Variants in COG5 observed in about 807,000 individuals in gnomAD.
The protein encoded by COG5 is conserved oligomeric Golgi complex subunit 5.
A neutral mutation model predicts 110.4 loss-of-function variants in COG5; 86 were observed. That is an observed-to-expected ratio of 0.78 (90% CI 0.65 to 0.93). COG5 has a LOEUF of 0.93. COG5 is among the 40% of genes least tolerant of loss of function. The pLI, the probability that COG5 is intolerant of heterozygous loss-of-function variation, is 0.00. For synonymous variants in COG5, 360 were observed against 334.6 expected, an observed-to-expected ratio of 1.08 and a Z score of -0.83; for missense variants, 1,077 against 987.0, an observed-to-expected ratio of 1.09 and a Z score of -1.22.
chr7:107,442,739 C>T (rs1794794659), intron 6 of COG5, among the ~76,000 whole-genome samples: 2 of 150,960 alleles, frequency 1.3e-5, no homozygotes, highest in South Asian at 2.1e-4. Flanking sequence ...GGGTAGATGG[C>T]AGACCCAATA....
chr7:107,408,328 A>G (rs1368544381), intron 7 of COG5, among the ~76,000 whole-genome samples: 1 of 152,236 alleles, frequency 6.6e-6, no homozygotes, highest in Non-Finnish European at 1.5e-5. Context: ...GCTGGTCCTT[A>G]GATGAGCTGA....
intron 17 of COG5, among the ~76,000 whole-genome samples, chr7:107,243,734 C>T (rs577513708): frequency 1.7e-4 from 26 of 152,048 alleles, no homozygotes; most frequent in African/African-American, 6.0e-4. Context: ...CTCATCACCA[C>T]GTCACATACA....
At chr7:107,289,666 T>G (rs1805996376) in intron 12 of COG5, among the ~76,000 whole-genome samples, 2 of 152,332 alleles carry the variant, frequency 1.3e-5, no homozygotes, top group Non-Finnish European at 2.9e-5. Context: ...ATTTAGATAT[T>G]TCTTTGAACA....
intron 14 of COG5, among the ~76,000 whole-genome samples, chr7:107,263,698 T>G (rs1803564357): frequency 6.6e-6 from 1 of 152,208 alleles, no homozygotes; most frequent in Non-Finnish European, 1.5e-5. Context: ...AATTTAATTA[T>G]CTGAACAAAA....
chr7:107,291,722 G>T (rs909186867), intron 12 of COG5, among the ~76,000 whole-genome samples: 3 of 152,146 alleles, frequency 2.0e-5, no homozygotes, highest in Non-Finnish European at 4.4e-5. Context: ...GGAGCTAATT[G>T]TAGCTCCTTT....
chr7:107,401,424 A>G (rs1407096644), intron 7 of COG5, among the ~76,000 whole-genome samples: 1 of 152,208 alleles, frequency 6.6e-6, no homozygotes, highest in Non-Finnish European at 1.5e-5. Context: ...TATTATTTAT[A>G]CATGTCATAA....
At chr7:107,426,813 T>C (rs1793673369) in intron 6 of COG5, among the ~76,000 whole-genome samples, 1 of 152,206 alleles carries the variant, frequency 6.6e-6, no homozygotes, top group Non-Finnish European at 1.5e-5. Context: ...AAAGTTTGAT[T>C]CTCTAGACCT....
intron 11 of COG5, among the ~76,000 whole-genome samples, chr7:107,303,753 T>C (rs1349025976): frequency 6.6e-6 from 1 of 152,162 alleles, no homozygotes; most frequent in Non-Finnish European, 1.5e-5. Flanking sequence ...AGGTAAGTTC[T>C]ACTGTAATTT....
chr7:107,220,815 C>CTTTTT (rs1168926155), intron 19 of COG5, among the ~76,000 whole-genome samples: 3 of 123,932 alleles, frequency 2.4e-5, no homozygotes, highest in African/African-American at 6.2e-5. Context: ...CTCATGCCTT[C>CTTTTT]TTTTTTTTTT....
At chr7:107,217,515 G>T (rs75596260) in intron 19 of COG5, among the ~76,000 whole-genome samples, 1 of 151,972 alleles carries the variant, frequency 6.6e-6, no homozygotes, top group Non-Finnish European at 1.5e-5. Context: ...CCAATTCTAC[G>T]GCACATTAAG....
At chr7:107,507,894 TTC>T (rs564947878) in intron 6 of COG5, among the ~76,000 whole-genome samples, 2 of 152,188 alleles carry the variant, frequency 1.3e-5, no homozygotes, top group Non-Finnish European at 2.9e-5. Context: ...TTTAAGAATA[TTC>T]TCTCATGGGG....
At position 107,295,079 on chromosome 7, in the gene COG5, ATATATATATATATATATATATATT is replaced by A. The variant is rs1424736494; in HGVS notation, c.1313+3039_1313+3062del. Among the ~76,000 whole-genome samples, 41 of 58,646 alleles carry A rather than the reference ATATATATATATATATATATATATT, an allele frequency of 7.0e-4. 3 individuals carry two copies. The highest frequency in any genetic ancestry group is 3.3e-4 in the African/African-American group (4 of 12,198). 38.5% of individuals were successfully genotyped at this position (58,646 alleles called of 152,430 possible). ...CACACACACACACATATATATATAT[ATATATATATATATATATATATATT>A]TTTTTTTTTTTTTTGTAGAGTCAGG... On this transcript the variant is annotated intron_variant, in intron 12 of 21. Coordinates refer to ENST00000297135, the MANE Select transcript of COG5 (RefSeq NM_006348.5).
At chr7:107,437,372 C>A (rs182568541) in intron 6 of COG5, among the ~76,000 whole-genome samples, 4 of 152,250 alleles carry the variant, frequency 2.6e-5, no homozygotes, top group South Asian at 2.1e-4. Context: ...TTTAAAACAA[C>A]AAGCCAAAAC....
At chr7:107,492,093 C>T (rs568696651) in intron 6 of COG5, among the ~76,000 whole-genome samples, 1 of 151,240 alleles carries the variant, frequency 6.6e-6, no homozygotes, top group East Asian at 2.0e-4. Context: ...GGCAATAAAA[C>T]GTCTTACAAT....
chr7:107,489,345 G>A lies in COG5; in HGVS notation c.538+37892C>T, dbSNP rs1048966163. On this transcript the variant is annotated intron_variant, in intron 6 of 21. Coordinates refer to ENST00000297135, the MANE Select transcript of COG5 (RefSeq NM_006348.5). ...AGCCGAGATAAATGATGGTTGAAAA[G>A]AAAATGCAGGCCGCATCAATGGAAG... Among the ~76,000 whole-genome samples, 3 of 152,058 alleles carry A rather than the reference G, an allele frequency of 2.0e-5. No individual in the cohort carries two copies. In the South Asian group the frequency reaches 6.2e-4, roughly 32 times the overall value.
chr7:107,396,381 A>G (rs1791008500), intron 7 of COG5, among the ~76,000 whole-genome samples: 1 of 152,192 alleles, frequency 6.6e-6, no homozygotes, highest in Non-Finnish European at 1.5e-5. Flanking sequence ...TCAACAGTCA[A>G]CAGTACATAA....
At chr7:107,267,642 A>T (rs1803907180) in intron 14 of COG5, among the ~76,000 whole-genome samples, 1 of 152,218 alleles carries the variant, frequency 6.6e-6, no homozygotes, top group African/African-American at 2.4e-5. Flanking sequence ...TACAAACTAA[A>T]CTTCAAACTA....
intron 8 of COG5, among the ~76,000 whole-genome samples, chr7:107,366,490 G>A (rs1813630122): frequency 6.6e-6 from 1 of 151,928 alleles, no homozygotes; most frequent in Non-Finnish European, 1.5e-5. Flanking sequence ...TCTATAAAAG[G>A]GAACATACTT....
intron 21 of COG5, chr7:107,208,142 C>T: frequency 1.0e-6 from 1 of 985,410 alleles, no homozygotes; most frequent in Non-Finnish European, 1.2e-6. Context: ...TGCCAAGAGC[C>T]TGGGGTGCAG....
Sources: allele counts gnomAD v4.1 joint callset (sites outside exome capture counted in the v4.1 genomes callset), GRCh38; gene constraint gnomAD v4.1.1; transcripts MANE v1.5; gene names NCBI Gene and HGNC (gene_info 2026-07-23, HGNC 2026-07-21).